The following GPAT3 variants were observed in gnomAD, a reference collection of about 807,000 sequenced individuals.
GPAT3 encodes glycerol-3-phosphate acyltransferase 3.
In GPAT3, 53 loss-of-function variants were observed where a neutral mutation model predicts 58.8. The ratio of observed to expected loss-of-function variants is 0.90; its 90% CI spans 0.72 to 1.13. The LOEUF (loss-of-function observed/expected upper bound fraction) is 1.13, where lower values mean the gene tolerates loss of function less well. Ranked by LOEUF, GPAT3 falls within the 50% of genes most tolerant of loss-of-function variation. The pLI is 0.00. For missense variants in GPAT3, 511 were observed against 527.6 expected, an observed-to-expected ratio of 0.97 and a Z score of 0.31; for synonymous variants, 197 against 187.4, an observed-to-expected ratio of 1.05 and a Z score of -0.42.
At chr4:83,551,438 C>T (rs1446596769) in intron 2 of GPAT3, among the ~76,000 whole-genome samples, 2 of 151,956 alleles carry the variant, frequency 1.3e-5, no homozygotes, top group Admixed American at 6.6e-5. Flanking sequence ...AGGTTATCTT[C>T]AGGAGGGAGA....
chr4:83,560,864 G>A (rs1725103398), intron 2 of GPAT3, among the ~76,000 whole-genome samples: 1 of 152,098 alleles, frequency 6.6e-6, no homozygotes, highest in African/African-American at 2.4e-5. Context: ...CTGGCCATGT[G>A]GTGTGCCTGT....
At chr4:83,589,866 C>T (rs1326147968) in intron 5 of GPAT3, among the ~76,000 whole-genome samples, 1 of 152,032 alleles carries the variant, frequency 6.6e-6, no homozygotes, top group Non-Finnish European at 1.5e-5. Context: ...CCGAGTGGGG[C>T]AGATCACTTG....
At chr4:83,546,379 G>GTT (rs373055285) in intron 2 of GPAT3, among the ~76,000 whole-genome samples, 317 of 136,076 alleles carry the variant, frequency 2.3e-3, no homozygotes, top group Middle Eastern at 7.2e-3. Context: ...CGTGGATTTA[G>GTT]TTTTTTTTTT....
chr4:83,547,426 G>T (rs2110073079), intron 2 of GPAT3, among the ~76,000 whole-genome samples: 1 of 151,612 alleles, frequency 6.6e-6, no homozygotes, highest in African/African-American at 2.4e-5. Flanking sequence ...CTAATTTTTT[G>T]TATTTTTAGT....
intron 2 of GPAT3, among the ~76,000 whole-genome samples, chr4:83,578,857 T>TTTCCTTCCTTCC (rs140483935): frequency 3.1e-4 from 45 of 144,354 alleles, no homozygotes; most frequent in African/African-American, 1.0e-3. Context: ...AACTTACTTT[T>TTTCCTTCCTTCC]TTCCTTCCTT....
intron 2 of GPAT3, among the ~76,000 whole-genome samples, chr4:83,551,400 A>T (rs960998248): frequency 1.3e-5 from 2 of 152,216 alleles, no homozygotes; most frequent in Admixed American, 1.3e-4. Flanking sequence ...TATATACTAT[A>T]GGGCAGTATA....
rs1335472243 is a variant in GPAT3, at chr4:83,536,859, TGTGTGCGCGC to T, written c.141+103_141+112del. On this transcript the variant is annotated intron_variant, in intron 1 of 11. Coordinates refer to ENST00000264409, the MANE Select transcript of GPAT3 (RefSeq NM_032717.5). ...GGTCAGTGGTCGCGAGTCAGGGGTG[TGTGTGCGCGC>T]GTGTGCATGCGTGCGTGCATTTCTG... 9.2e-6 allele frequency: 11 copies of T among 1,201,310 alleles called. No individual in the cohort carries two copies. In the East Asian group the frequency reaches 2.1e-4, roughly 23 times the overall value. The allele number at this position is 1,201,310 out of a possible 1,614,324, so 74.4% of individuals were successfully genotyped here. A position where few individuals can be genotyped will look rare whatever the true frequency, so the allele number is the denominator to read the frequency against.
intron 1 of GPAT3, among the ~76,000 whole-genome samples, chr4:83,538,797 A>C (rs6834335): frequency 0.35 from 53,824 of 152,096 alleles, 10,238 homozygotes; most frequent in Middle Eastern, 0.5. Context: ...AATCAAACTG[A>C]CAAGAATGCC....
At chr4:83,544,033 C>A (rs1724410966) in intron 1 of GPAT3, among the ~76,000 whole-genome samples, 1 of 152,120 alleles carries the variant, frequency 6.6e-6, no homozygotes, top group Non-Finnish European at 1.5e-5. Context: ...CGTGTCCTAC[C>A]CCTGAATGTC....
rs573695213 is a variant in GPAT3 at position 83,562,791 on chromosome 4, G to GAGAT, written c.208+18191_208+18194dup. 3.2e-3 allele frequency among the ~76,000 whole-genome samples: 469 copies of GAGAT among 144,494 alleles called. 1 individual carries two copies. Among genetic ancestry groups the GAGAT allele is most frequent in the African/African-American group, 0.012 (454 of 36,378 alleles). 94.8% of individuals were successfully genotyped at this position (144,494 alleles called of 152,430 possible). A position where few individuals can be genotyped will look rare whatever the true frequency, so the allele number is the denominator to read the frequency against. On this transcript the variant is annotated intron_variant, in intron 2 of 11. Coordinates refer to ENST00000264409, the MANE Select transcript of GPAT3 (RefSeq NM_032717.5). ...AAATGGAAACAGAGAGAGATAGAAA[G>GAGAT]AGATATAGATAGATAGATAGATAGA...
chr4:83,604,950 G>C lies in GPAT3; in HGVS notation c.*183G>C. ...GCCCTTTTTGGCTTTTGTTGTTGTT[G>C]TAACATTAGCCCCATGGATTGTAAG... is the stretch of plus-strand genomic sequence containing the variant. On this transcript the variant is annotated 3_prime_UTR_variant, in exon 12 of 12. Coordinates refer to ENST00000264409, the MANE Select transcript of GPAT3 (RefSeq NM_032717.5). The C allele has an allele frequency of 1.8e-6, 1 of 551,970 alleles. No individual in the cohort carries two copies. The highest frequency in any genetic ancestry group is 3.2e-6 in the Non-Finnish European group (1 of 312,242). The allele number at this position is 551,970 out of a possible 1,614,324, so 34.2% of individuals were successfully genotyped here. A position where few individuals can be genotyped will look rare whatever the true frequency, so the allele number is the denominator to read the frequency against.
chr4:83,544,587 A>C lies in GPAT3; in HGVS notation c.193A>C (p.Asn65His), dbSNP rs1724435221. 6.2e-7 allele frequency: 1 copy of C among 1,614,008 alleles called. No individual in the cohort carries two copies. Residue 65 changes from asparagine (N) to histidine (H), a missense_variant, in exon 2 of 12, where the codon AAC becomes CAC. Coordinates refer to ENST00000264409, the MANE Select transcript of GPAT3 (RefSeq NM_032717.5). The stretch of plus-strand genomic sequence containing the variant: ...AACCCCAAAGGAGTCGATTCTTAAA[A>C]ACTCTGCTTCTGTTGGTGAGTTTTC... Reference protein sequence around the residue: ...KGTPKESILKNSASVGIIQRD... With the variant: ...KGTPKESILKHSASVGIIQRD...
In GPAT3 at chr4:83,579,037, T is replaced by C. The variant is rs867655700; in HGVS notation, c.209-2525T>C. On this transcript the variant is annotated intron_variant, in intron 2 of 11. Coordinates refer to ENST00000264409, the MANE Select transcript of GPAT3 (RefSeq NM_032717.5). The stretch of plus-strand genomic sequence containing the variant: ...CTTTCCCTTTCTTTCTTTCTTTCTT[T>C]CTTTCTTTCTTTCTTTCTTTCTTTC... Among the ~76,000 whole-genome samples, 118 of 25,274 alleles carry C rather than the reference T, an allele frequency of 4.7e-3. 7 individuals are homozygous for C. The highest frequency in any genetic ancestry group is 6.8e-3 in the Non-Finnish European group (88 of 12,972). The allele number at this position is 25,274 out of a possible 152,430, so 16.6% of individuals were successfully genotyped here.
At chr4:83,581,927 A>T in intron 3 of GPAT3, 95 bp downstream of exon 3, 1 of 1,453,606 alleles carries the variant, frequency 6.9e-7, no homozygotes, top group African/African-American at 1.4e-5. Context: ...TGTGGTGCTT[A>T]TTCCACCCAT....
Position 83,548,028 on chromosome 4 carries a change from A to G in GPAT3, c.208+3426A>G, listed in dbSNP as rs540564842. ...CTTTTCCTCATTGTTAACACAAAGA[A>G]AAAGGTAAATCTTTTTCCCCACTTC... On this transcript the variant is annotated intron_variant, in intron 2 of 11. Coordinates refer to ENST00000264409, the MANE Select transcript of GPAT3 (RefSeq NM_032717.5). Among the ~76,000 whole-genome samples, 2 of 152,294 alleles carry G rather than the reference A, an allele frequency of 1.3e-5. 1 individual carries two copies. Among genetic ancestry groups the G allele is most frequent in the East Asian group, 3.9e-4 (2 of 5,184 alleles).
intron 3 of GPAT3, among the ~76,000 whole-genome samples, chr4:83,582,352 C>G (rs565318457): frequency 6.6e-6 from 1 of 152,334 alleles, no homozygotes; most frequent in South Asian, 2.1e-4. Flanking sequence ...ACGGACTGCT[C>G]TTATTAAAGT....
chr4:83,595,901 A>C (rs111638585), intron 7 of GPAT3, among the ~76,000 whole-genome samples: 9 of 152,198 alleles, frequency 5.9e-5, no homozygotes, highest in Non-Finnish European at 1.2e-4. Context: ...TAATATAATG[A>C]AAAGTACTTG....
At chr4:83,567,738 C>A (rs1725456192) in intron 2 of GPAT3, among the ~76,000 whole-genome samples, 1 of 152,054 alleles carries the variant, frequency 6.6e-6, no homozygotes, top group Admixed American at 6.6e-5. Flanking sequence ...TCAAGACCAG[C>A]CTGGGCAACA....
intron 11 of GPAT3, among the ~76,000 whole-genome samples, chr4:83,600,695 G>A (rs1413478140): frequency 6.6e-6 from 1 of 151,832 alleles, no homozygotes; most frequent in African/African-American, 2.4e-5. Context: ...TAGTAGAGAT[G>A]GAGTTTCACT....
Sources: allele counts gnomAD v4.1 joint callset (sites outside exome capture counted in the v4.1 genomes callset), GRCh38; gene constraint gnomAD v4.1.1; transcripts MANE v1.5; gene names NCBI Gene and HGNC (gene_info 2026-07-23, HGNC 2026-07-21).